The following ELMO1 variants were observed in gnomAD, a reference collection of about 807,000 sequenced individuals.
ELMO1 encodes engulfment and cell motility protein 1.
Under a neutral mutation model 98.9 loss-of-function variants are expected in ELMO1, and 26 were observed. The observed-to-expected ratio is 0.26, with a 90% CI of 0.19 to 0.36. The LOEUF (loss-of-function observed/expected upper bound fraction) is 0.36, where lower values mean the gene tolerates loss of function less well. ELMO1 is among the 10% of genes least tolerant of loss of function. The pLI, the probability that ELMO1 is intolerant of heterozygous loss-of-function variation, is 1.00. For synonymous variants in ELMO1, 346 were observed against 346.0 expected, an observed-to-expected ratio of 1.00 and a Z score of 0.00; for missense variants, 627 against 935.2, an observed-to-expected ratio of 0.67 and a Z score of 4.30.
chr7:37,416,313 G>A (rs534267521), intron 1 of ELMO1, among the ~76,000 whole-genome samples: 6 of 152,326 alleles, frequency 3.9e-5, no homozygotes, highest in African/African-American at 7.2e-5. Context: ...GGTTTTAACC[G>A]TATGGAAAAT....
chr7:36,983,996 C>G (rs990411080), intron 16 of ELMO1, among the ~76,000 whole-genome samples: 2 of 146,548 alleles, frequency 1.4e-5, no homozygotes, highest in African/African-American at 5.0e-5. Flanking sequence ...ACATTTTTTA[C>G]TGCTTCCATA....
intron 11 of ELMO1, among the ~76,000 whole-genome samples, chr7:37,213,990 A>G (rs1364671058): frequency 6.6e-6 from 1 of 152,250 alleles, no homozygotes; most frequent in East Asian, 1.9e-4. Flanking sequence ...GATGTCTACC[A>G]TCAAAAGCAG....
intron 14 of ELMO1, among the ~76,000 whole-genome samples, chr7:37,105,030 GGTAATGGTATA>G (rs1478159553): frequency 6.6e-6 from 1 of 152,168 alleles, no homozygotes; most frequent in Non-Finnish European, 1.5e-5. Flanking sequence ...GAATTGACTG[GGTAATGGTATA>G]GTAATTAAAG....
rs181313718 is a variant in ELMO1, at chr7:37,275,276, T to C, written c.193-3394A>G. 3.3e-3 allele frequency among the ~76,000 whole-genome samples: 505 copies of C among 152,336 alleles called. 16 individuals are homozygous for C. The highest frequency in any genetic ancestry group is 0.029 in the Admixed American group (444 of 15,306). On this transcript the variant is annotated intron_variant, in intron 4 of 21. Transcript: ENST00000310758. ...CCCTGCCACACCCAAGGTGATGTAC[T>C]GGGTGCTGGGTGGGAGGAGGGCTGG...
At chr7:37,118,798 T>G (rs1785779799) in intron 14 of ELMO1, among the ~76,000 whole-genome samples, 1 of 152,148 alleles carries the variant, frequency 6.6e-6, no homozygotes, top group African/African-American at 2.4e-5. Context: ...CTAAGTTAAT[T>G]GGGGAGGGAG....
intron 16 of ELMO1, among the ~76,000 whole-genome samples, chr7:36,960,892 A>G (rs1788887883): frequency 6.6e-6 from 1 of 152,160 alleles, no homozygotes; most frequent in Admixed American, 6.5e-5. Context: ...GCATCCCAAC[A>G]TAAGCAACCA....
At chr7:37,158,834 G>A (rs921376531) in intron 13 of ELMO1, among the ~76,000 whole-genome samples, 2 of 152,160 alleles carry the variant, frequency 1.3e-5, no homozygotes, top group East Asian at 1.9e-4. Flanking sequence ...AAATCATGCT[G>A]CTATAAAGAC....
chr7:37,191,179 A>T (rs1342953165), intron 13 of ELMO1, among the ~76,000 whole-genome samples: 1 of 121,028 alleles, frequency 8.3e-6, no homozygotes, highest in Non-Finnish European at 1.7e-5. Context: ...ACAGAGCAAG[A>T]CTCTGTCTCA....
At chr7:37,165,548 G>C (rs1421191978) in intron 13 of ELMO1, among the ~76,000 whole-genome samples, 1 of 152,008 alleles carries the variant, frequency 6.6e-6, no homozygotes, top group Non-Finnish European at 1.5e-5. Flanking sequence ...TAGCATGAAG[G>C]GCTGTTGAAT....
chr7:37,128,842 C>G (rs1168855815), intron 14 of ELMO1, among the ~76,000 whole-genome samples: 2 of 152,080 alleles, frequency 1.3e-5, no homozygotes, highest in Non-Finnish European at 1.5e-5. Flanking sequence ...ATAAATGAAC[C>G]TTGGTGCCTG....
intron 13 of ELMO1, among the ~76,000 whole-genome samples, chr7:37,163,258 G>GT (rs1470122981): frequency 6.6e-6 from 1 of 152,054 alleles, no homozygotes; most frequent in East Asian, 1.9e-4. Flanking sequence ...TTTTGTGTGT[G>GT]TTTGTGTGTA....
chr7:37,418,674 C>G (rs1804338978), intron 1 of ELMO1, among the ~76,000 whole-genome samples: 1 of 152,196 alleles, frequency 6.6e-6, no homozygotes, highest in African/African-American at 2.4e-5. Context: ...CGGTCAGATG[C>G]TGACCTGCAG....
chr7:37,411,649 G>C (rs927656109), intron 1 of ELMO1, among the ~76,000 whole-genome samples: 29 of 152,120 alleles, frequency 1.9e-4, no homozygotes, highest in African/African-American at 7.0e-4. Flanking sequence ...AGGAAGAAGG[G>C]GGAGCCTCAG....
At position 37,206,205 on chromosome 7, in the gene ELMO1, T is replaced by G. The variant is rs1261216183; in HGVS notation, c.1086+5181A>C. Among the ~76,000 whole-genome samples the G allele has an allele frequency of 7.2e-5, 11 of 152,256 alleles. 1 individual carries two copies. Among genetic ancestry groups the G allele is most frequent in the Admixed American group, 7.2e-4 (11 of 15,284 alleles). On this transcript the variant is annotated intron_variant, in intron 13 of 21. Transcript: ENST00000310758. ...ACAGACTATGTAGCAAGCACTGCTC[T>G]GAACAACTTCCAAGTATCTACTAAT...
At chr7:37,442,456 G>A (rs540934251) in intron 1 of ELMO1, among the ~76,000 whole-genome samples, 1 of 152,294 alleles carries the variant, frequency 6.6e-6, no homozygotes, top group South Asian at 2.1e-4. Context: ...TCCTTCCCAG[G>A]TGGTTCCATG....
intron 15 of ELMO1, among the ~76,000 whole-genome samples, chr7:37,027,922 A>G (rs7779304): frequency 0.043 from 6,510 of 152,330 alleles, 428 homozygotes; most frequent in African/African-American, 0.14. Context: ...TGAAAAGGAC[A>G]TAATCTGAGT....
intron 15 of ELMO1, among the ~76,000 whole-genome samples, chr7:37,053,779 T>A (rs1017968674): frequency 6.6e-6 from 1 of 152,152 alleles, no homozygotes; most frequent in Non-Finnish European, 1.5e-5. Flanking sequence ...GGGTTATTGA[T>A]CAAAGTCTCC....
At position 36,985,050 on chromosome 7, in the gene ELMO1, C is replaced by T. The variant is rs968517785; in HGVS notation, c.1437+28249G>A. The T allele has an allele frequency of 2.9e-5, 29 of 985,294 alleles. No individual in the cohort carries two copies. In the East Asian group the frequency reaches 3.1e-3, roughly 104 times the overall value. 61.0% of individuals were successfully genotyped at this position (985,294 alleles called of 1,614,324 possible). On this transcript the variant is annotated intron_variant, in intron 16 of 21. Transcript: ENST00000310758. Reference sequence around the variant, plus strand: ...GGCAAAGAGTTTCTCGTTCCCCACGCTGCCCCTCCATTGCCTGTTTATAGT... The same window carrying T: ...GGCAAAGAGTTTCTCGTTCCCCACGTTGCCCCTCCATTGCCTGTTTATAGT...
chr7:37,103,868 G>GTGGC (rs1784787257), intron 14 of ELMO1, among the ~76,000 whole-genome samples: 1 of 148,876 alleles, frequency 6.7e-6, no homozygotes, highest in Admixed American at 6.6e-5. Context: ...GCCGGGCATG[G>GTGGC]TGGCGGGCAC....
Sources: gnomAD v4.1 joint callset for allele counts (sites outside exome capture counted in the v4.1 genomes callset) on GRCh38, gnomAD v4.1.1 for gene constraint, MANE v1.5 for transcripts, NCBI Gene and HGNC (gene_info 2026-07-23, HGNC 2026-07-21) for gene names.